GABBR2: variants seen among roughly 807,000 people sequenced by gnomAD.
GABBR2 encodes the protein gamma-aminobutyric acid type B receptor subunit 2, also known as G-protein coupled receptor 51.
In GABBR2, 23 loss-of-function variants were observed where a neutral mutation model predicts 105.6. The observed-to-expected ratio is 0.22, with a 90% CI of 0.16 to 0.31. The LOEUF is 0.31. GABBR2 is among the 10% of genes least tolerant of loss of function. GABBR2 has a pLI of 1.00. For missense variants in GABBR2, 734 were observed against 1,245.5 expected, an observed-to-expected ratio of 0.59 and a Z score of 6.18; for synonymous variants, 478 against 499.7, an observed-to-expected ratio of 0.96 and a Z score of 0.58.
intron 1 of GABBR2, among the ~76,000 whole-genome samples, chr9:98,637,260 A>G (rs574855105): frequency 1.2e-4 from 18 of 152,182 alleles, no homozygotes; most frequent in Admixed American, 3.3e-4. Context: ...GCTGCATGCG[A>G]AAAGGGAGAC....
chr9:98,480,919 C>G lies in GABBR2; in HGVS notation c.798+13G>C, dbSNP rs1406539988. 6.6e-7 allele frequency: 1 copy of G among 1,515,548 alleles called. No individual in the cohort carries two copies. The highest frequency in any genetic ancestry group is 1.4e-5 in the African/African-American group (1 of 73,074). 93.9% of individuals were successfully genotyped at this position (1,515,548 alleles called of 1,614,324 possible). ...CTCCCCAAAGACACGAATGATACAA[C>G]TGTTTTACTTACACAACAGAACACT... On this transcript the variant is annotated intron_variant, in intron 5 of 18. Coordinates refer to ENST00000259455, the MANE Select transcript of GABBR2 (RefSeq NM_005458.8).
chr9:98,574,679 C>T (rs1016072357), intron 2 of GABBR2, among the ~76,000 whole-genome samples: 42 of 152,198 alleles, frequency 2.8e-4, no homozygotes, highest in African/African-American at 9.9e-4. Context: ...TCTTGTAACC[C>T]AGTTCTATGT....
chr9:98,472,815 G>A (rs1826711741), intron 6 of GABBR2, among the ~76,000 whole-genome samples: 1 of 152,070 alleles, frequency 6.6e-6, no homozygotes, highest in Admixed American at 6.5e-5. Flanking sequence ...TGACATCTTA[G>A]GTAAAAGGAG....
chr9:98,679,989 C>T (rs762805264), intron 1 of GABBR2, among the ~76,000 whole-genome samples: 1 of 152,206 alleles, frequency 6.6e-6, no homozygotes, highest in Non-Finnish European at 1.5e-5. Flanking sequence ...TATGAAGGCT[C>T]CTGTGTCATG....
chr9:98,591,939 T>C (rs936038177), intron 1 of GABBR2, among the ~76,000 whole-genome samples: 1 of 152,226 alleles, frequency 6.6e-6, no homozygotes, highest in South Asian at 2.1e-4. Context: ...AAGCAGGCTA[T>C]ACTTTGGCAA....
chr9:98,507,852 G>A (rs2131689570), intron 3 of GABBR2, among the ~76,000 whole-genome samples: 1 of 152,288 alleles, frequency 6.6e-6, no homozygotes, highest in Middle Eastern at 3.4e-3. Flanking sequence ...GCTGCCTGAG[G>A]AAGCAGGACC....
chr9:98,556,567 C>A (rs1252490541), intron 2 of GABBR2, among the ~76,000 whole-genome samples: 1 of 151,952 alleles, frequency 6.6e-6, no homozygotes, highest in African/African-American at 2.4e-5. Context: ...GTGGCTGGGG[C>A]GGGGCTGGGG....
chr9:98,575,028 G>A (rs1185387374), intron 2 of GABBR2, among the ~76,000 whole-genome samples: 7 of 152,140 alleles, frequency 4.6e-5, no homozygotes, highest in African/African-American at 7.2e-5. Flanking sequence ...AAAAGTCCAG[G>A]TTCTGTCCTT....
chr9:98,414,396 C>T (rs909188869), intron 7 of GABBR2, among the ~76,000 whole-genome samples: 3 of 152,142 alleles, frequency 2.0e-5, no homozygotes, highest in African/African-American at 4.8e-5. Context: ...GCCGATAAAG[C>T]TGTAAATGGT....
chr9:98,535,036 AC>A (rs1481949383), intron 3 of GABBR2, among the ~76,000 whole-genome samples: 1 of 152,160 alleles, frequency 6.6e-6, no homozygotes, highest in Admixed American at 6.5e-5. Context: ...GATACAGTTG[AC>A]CCTTGGTAAC....
chr9:98,338,237 T>A (rs1235408451), intron 13 of GABBR2, among the ~76,000 whole-genome samples: 1 of 152,132 alleles, frequency 6.6e-6, no homozygotes, highest in Non-Finnish European at 1.5e-5. Context: ...CTATGACACC[T>A]AAAGCAGAAA....
intron 1 of GABBR2, among the ~76,000 whole-genome samples, chr9:98,698,444 A>G (rs968813961): frequency 3.9e-5 from 6 of 152,184 alleles, no homozygotes; most frequent in African/African-American, 1.4e-4. Context: ...CACAGGCAAG[A>G]ATTTTCAGAC....
intron 4 of GABBR2, among the ~76,000 whole-genome samples, chr9:98,482,893 C>A (rs1826957231): frequency 1.3e-5 from 2 of 152,120 alleles, no homozygotes; most frequent in Admixed American, 1.3e-4. Flanking sequence ...AGCTCCTGAC[C>A]TTTCTGCCCA....
At chr9:98,499,485 C>A (rs1297598370) in intron 3 of GABBR2, among the ~76,000 whole-genome samples, 1 of 152,204 alleles carries the variant, frequency 6.6e-6, no homozygotes, top group Non-Finnish European at 1.5e-5. Context: ...CGCCCATAAT[C>A]TCAGCACCAA....
At position 98,303,440 on chromosome 9, in the gene GABBR2, T is replaced by C; in HGVS notation, c.2230-17A>G. On this transcript the variant is annotated splice_polypyrimidine_tract_variant and intron_variant, in intron 15 of 18. Transcript: ENST00000259455. ...GGTGATGAGCTGAAAGGACAAAGGT[T>C]GGGGCGGGGTTGAAGAGAGAGCCTT... 6.2e-7 allele frequency: 1 copy of C among 1,611,728 alleles called. No individual in the cohort carries two copies. Among genetic ancestry groups the C allele is most frequent in the East Asian group, 2.2e-5 (1 of 44,846 alleles).
At chr9:98,617,445 G>C (rs1829602629) in intron 1 of GABBR2, among the ~76,000 whole-genome samples, 1 of 152,174 alleles carries the variant, frequency 6.6e-6, no homozygotes, top group African/African-American at 2.4e-5. Flanking sequence ...ATGACTGGGA[G>C]CCCCAAGTAC....
rs1022782769 is a variant in GABBR2 at position 98,658,906 on chromosome 9, A to G, written c.321+49511T>C. ...CAAGAGCTCTGGGCAGCATTAAGGG[A>G]TGTCATGCTCTGAAATTTAAGACTT... is the stretch of plus-strand genomic sequence containing the variant. On this transcript the variant is annotated intron_variant, in intron 1 of 18. Transcript: ENST00000259455. Among the ~76,000 whole-genome samples, 69 of 152,214 alleles carry G rather than the reference A, an allele frequency of 4.5e-4. 1 individual carries two copies. Among genetic ancestry groups the G allele is most frequent in the Non-Finnish European group, 1.0e-4 (7 of 68,042 alleles).
At chr9:98,545,013 A>G (rs959713957) in intron 2 of GABBR2, among the ~76,000 whole-genome samples, 1 of 152,220 alleles carries the variant, frequency 6.6e-6, no homozygotes, top group Non-Finnish European at 1.5e-5. Flanking sequence ...CTATTTCAGG[A>G]CAGGGACATT....
intron 7 of GABBR2, among the ~76,000 whole-genome samples, chr9:98,426,730 G>A (rs927180174): frequency 6.6e-6 from 1 of 152,208 alleles, no homozygotes; most frequent in Non-Finnish European, 1.5e-5. Context: ...AGGAGTGGTG[G>A]CTCATGCTGT....
Sources: allele counts gnomAD v4.1 joint callset (sites outside exome capture counted in the v4.1 genomes callset), GRCh38; gene constraint gnomAD v4.1.1; transcripts MANE v1.5; gene names NCBI Gene and HGNC (gene_info 2026-07-23, HGNC 2026-07-21).